CNTN3: variants seen among roughly 807,000 people sequenced by gnomAD.
The protein encoded by CNTN3 is contactin-3.
CNTN3 carries 60 observed loss-of-function variants against 119.1 expected under a neutral mutation model. The observed-to-expected ratio is 0.50, with a 90% CI of 0.41 to 0.62. The LOEUF (loss-of-function observed/expected upper bound fraction) is 0.62. Among genes scored for constraint, CNTN3 ranks in the 20% least tolerant of loss-of-function variants. The pLI is 0.00. For missense variants in CNTN3, 1,101 were observed against 1,242.4 expected (o/e 0.89, Z 1.71); for synonymous variants, 450 against 438.7 (o/e 1.03, Z -0.32).
chr3:74,515,681 C>G (rs1212115602), intron 2 of CNTN3, among the ~76,000 whole-genome samples: 2 of 152,040 alleles, frequency 1.3e-5, no homozygotes, highest in Non-Finnish European at 2.9e-5. Flanking sequence ...GAATGAAATT[C>G]TGATTCACTA....
chr3:74,370,023 C>CA, intron 6 of CNTN3, 32 bp from the exon 7 acceptor site: 1 of 1,209,326 alleles, frequency 8.3e-7, no homozygotes, highest in Middle Eastern at 1.9e-4. Flanking sequence ...TTAATCGTTT[C>CA]AATATTTCCT....
At chr3:74,566,661 A>G (rs1704230431) in intron 1 of CNTN3, among the ~76,000 whole-genome samples, 1 of 152,092 alleles carries the variant, frequency 6.6e-6, no homozygotes, top group African/African-American at 2.4e-5. Context: ...TGTAGGGCAC[A>G]CCCTAATCCA....
In CNTN3 at chr3:74,486,200, GCA is replaced by G. The variant is rs79617168; in HGVS notation, c.358+254_358+255del. ...AATCCTTGTGAAATACTAAAATAGA[GCA>G]CACACACACACACACACACACCCCT... On this transcript the variant is annotated intron_variant, in intron 4 of 22. Transcript: ENST00000263665. Among the ~76,000 whole-genome samples the G allele has an allele frequency of 7.4e-3, 1,091 of 147,654 alleles. 12 individuals are homozygous for G. Among genetic ancestry groups the G allele is most frequent in the East Asian group, 0.035 (176 of 5,038 alleles).
intron 1 of CNTN3, among the ~76,000 whole-genome samples, chr3:74,603,542 T>C (rs1004100540): frequency 2.0e-5 from 3 of 152,146 alleles, no homozygotes; most frequent in African/African-American, 7.2e-5. Context: ...ACTGAGATTT[T>C]TGAATTGTTA....
At chr3:74,564,330 A>C (rs1310084755) in intron 1 of CNTN3, among the ~76,000 whole-genome samples, 1 of 152,098 alleles carries the variant, frequency 6.6e-6, no homozygotes, top group Non-Finnish European at 1.5e-5. Flanking sequence ...GCTGACACCT[A>C]CAGGATATGG....
intron 20 of CNTN3, among the ~76,000 whole-genome samples, chr3:74,284,393 T>C (rs146950614): frequency 0.012 from 1,787 of 152,256 alleles, 38 homozygotes; most frequent in African/African-American, 0.041. Context: ...AGTAAAAGTA[T>C]GGTATCACTG....
intron 18 of CNTN3, among the ~76,000 whole-genome samples, chr3:74,297,379 C>T (rs1284594347): frequency 1.6e-5 from 2 of 122,276 alleles, no homozygotes; most frequent in African/African-American, 6.1e-5. Context: ...AGGACATGCC[C>T]AGAAGAAAAA....
intron 13 of CNTN3, among the ~76,000 whole-genome samples, chr3:74,320,510 G>C (rs1050546035): frequency 3.9e-5 from 6 of 152,090 alleles, no homozygotes; most frequent in African/African-American, 1.4e-4. Context: ...ACACTCCAGG[G>C]ACTGTTGTGG....
Position 74,362,169 on chromosome 3 carries a change from C to T in CNTN3, c.1214-129G>A, listed in dbSNP as rs1424099648. The T allele has an allele frequency of 1.3e-5, 12 of 926,124 alleles. No homozygotes were observed. In the South Asian group the frequency reaches 2.0e-4, roughly 15 times the overall value. 57.4% of individuals were successfully genotyped at this position (926,124 alleles called of 1,614,324 possible). The stretch of plus-strand genomic sequence containing the variant: ...GGGTGTCAGTGCTTGATTTACTTGG[C>T]TTATTGTGTGCCACACACAGGATAA... On this transcript the variant is annotated intron_variant, in intron 10 of 22. Transcript: ENST00000263665.
At chr3:74,550,955 CA>C (rs2107159962) in intron 1 of CNTN3, among the ~76,000 whole-genome samples, 1 of 152,320 alleles carries the variant, frequency 6.6e-6, no homozygotes, top group South Asian at 2.1e-4. Flanking sequence ...CTTCACTTAG[CA>C]AAGCTATGCC....
intron 20 of CNTN3, 77 bp downstream of exon 20, chr3:74,285,228 T>C (rs1702086881): frequency 1.4e-6 from 2 of 1,430,984 alleles, no homozygotes; most frequent in Non-Finnish European, 9.5e-7. Context: ...GGTTGTCCAT[T>C]TCAAATAATA....
chr3:74,381,591 T>TTG (rs1293970001), intron 5 of CNTN3, among the ~76,000 whole-genome samples: 1 of 152,148 alleles, frequency 6.6e-6, no homozygotes, highest in East Asian at 1.9e-4. Flanking sequence ...AAAATAGTGT[T>TTG]TGTACTACCT....
At chr3:74,320,567 T>C (rs578198910) in intron 13 of CNTN3, among the ~76,000 whole-genome samples, 126 of 152,212 alleles carry the variant, frequency 8.3e-4, no homozygotes, top group African/African-American at 2.9e-3. Flanking sequence ...TACCTAAGGC[T>C]AAATGACGAG....
At chr3:74,391,341 T>TCC (rs1704895454) in intron 5 of CNTN3, among the ~76,000 whole-genome samples, 1 of 152,144 alleles carries the variant, frequency 6.6e-6, no homozygotes, top group South Asian at 2.1e-4. Context: ...AGTGCTCAGG[T>TCC]GTATGGGCTC....
intron 4 of CNTN3, among the ~76,000 whole-genome samples, chr3:74,466,623 T>A (rs189948652): frequency 6.9e-4 from 105 of 152,210 alleles, no homozygotes; most frequent in Non-Finnish European, 1.1e-3. Context: ...AAATTGTGGG[T>A]TGAATGTGAC....
At chr3:74,400,174 A>T (rs1482703116) in intron 5 of CNTN3, among the ~76,000 whole-genome samples, 1 of 152,152 alleles carries the variant, frequency 6.6e-6, no homozygotes, top group Non-Finnish European at 1.5e-5. Context: ...TTGTCAGTAA[A>T]CTTTACACAA....
At chr3:74,450,032 G>A (rs532287013) in intron 4 of CNTN3, among the ~76,000 whole-genome samples, 21 of 152,140 alleles carry the variant, frequency 1.4e-4, no homozygotes, top group African/African-American at 4.3e-4. Flanking sequence ...ATCAAACTGA[G>A]CCTATCCTCC....
intron 1 of CNTN3, among the ~76,000 whole-genome samples, chr3:74,595,562 C>T (rs1345194361): frequency 6.6e-6 from 1 of 152,022 alleles, no homozygotes; most frequent in East Asian, 1.9e-4. Flanking sequence ...TGTAATCCAG[C>T]ATATAAACAG....
chr3:74,271,298 C>G (rs1701771568), intron 20 of CNTN3, among the ~76,000 whole-genome samples: 5 of 152,108 alleles, frequency 3.3e-5, no homozygotes, highest in Admixed American at 3.3e-4. Flanking sequence ...AGCATAACCT[C>G]CACTGTATAA....
Sources: allele counts gnomAD v4.1 joint callset (sites outside exome capture counted in the v4.1 genomes callset), GRCh38; gene constraint gnomAD v4.1.1; transcripts MANE v1.5; gene names NCBI Gene and HGNC (gene_info 2026-07-23, HGNC 2026-07-21).